TMEM117: variants seen among roughly 807,000 people sequenced by gnomAD.
TMEM117 encodes the protein transmembrane protein 117.
Under a neutral mutation model 52.4 loss-of-function variants are expected in TMEM117, and 27 were observed. That is an observed-to-expected ratio of 0.51 (90% CI 0.38 to 0.71). TMEM117 has a LOEUF of 0.71. TMEM117 is among the 30% of genes least tolerant of loss of function. The probability of loss-of-function intolerance (pLI) is 0.00; values close to 1 mark genes in which losing one functional copy is unlikely to be tolerated. For synonymous variants in TMEM117, 215 were observed against 206.3 expected, an observed-to-expected ratio of 1.04 and a Z score of -0.36; for missense variants, 556 against 630.5, an observed-to-expected ratio of 0.88 and a Z score of 1.26.
intron 7 of TMEM117, among the ~76,000 whole-genome samples, chr12:44,385,997 A>G (rs1025362808): frequency 1.3e-5 from 2 of 152,160 alleles, no homozygotes; most frequent in South Asian, 2.1e-4. Context: ...AAAATTTTCC[A>G]AACTATTTTC....
At chr12:43,985,412 AAC>A (rs1466323804) in intron 3 of TMEM117, among the ~76,000 whole-genome samples, 2 of 152,218 alleles carry the variant, frequency 1.3e-5, no homozygotes, top group East Asian at 3.8e-4. Context: ...ATTCCAAAGA[AAC>A]ACTGAAAAAC....
chr12:43,866,320 G>A (rs1225486089), intron 2 of TMEM117, among the ~76,000 whole-genome samples: 1 of 151,188 alleles, frequency 6.6e-6, no homozygotes. Context: ...ACAAAATGAA[G>A]GTAAAATAAA....
intron 5 of TMEM117, among the ~76,000 whole-genome samples, chr12:44,211,641 T>G (rs1167927678): frequency 6.6e-6 from 1 of 152,204 alleles, no homozygotes; most frequent in Non-Finnish European, 1.5e-5. Flanking sequence ...AGGTAAGTTC[T>G]TGACTCAGCA....
At chr12:43,936,841 C>T (rs557552242) in intron 2 of TMEM117, among the ~76,000 whole-genome samples, 18 of 152,014 alleles carry the variant, frequency 1.2e-4, no homozygotes, top group African/African-American at 3.6e-4. Flanking sequence ...AGTAAGATCT[C>T]GGTAAGTGGG....
chr12:44,270,382 A>T (rs1412011863), intron 5 of TMEM117, among the ~76,000 whole-genome samples: 1 of 152,058 alleles, frequency 6.6e-6, no homozygotes, highest in African/African-American at 2.4e-5. Context: ...AGCTATTGTA[A>T]AAAGGGGTTG....
intron 5 of TMEM117, among the ~76,000 whole-genome samples, chr12:44,237,218 G>C (rs193030077): frequency 2.0e-5 from 3 of 152,086 alleles, no homozygotes; most frequent in African/African-American, 7.2e-5. Flanking sequence ...GATTAAAACA[G>C]TCACGTTTCA....
At chr12:43,937,717 T>G (rs1289343272) in intron 2 of TMEM117, among the ~76,000 whole-genome samples, 1 of 152,180 alleles carries the variant, frequency 6.6e-6, no homozygotes, top group Non-Finnish European at 1.5e-5. Flanking sequence ...ATATTATTTG[T>G]TCATTTATTT....
At chr12:44,195,082 G>A (rs1391050790) in intron 4 of TMEM117, among the ~76,000 whole-genome samples, 1 of 152,160 alleles carries the variant, frequency 6.6e-6, no homozygotes, top group Non-Finnish European at 1.5e-5. Context: ...TCACTCTTCT[G>A]TAGGTCAAGT....
At chr12:44,206,125 T>A (rs1051631873) in intron 4 of TMEM117, among the ~76,000 whole-genome samples, 10 of 152,202 alleles carry the variant, frequency 6.6e-5, no homozygotes, top group Non-Finnish European at 1.2e-4. Flanking sequence ...ATTATTTTTT[T>A]ATTATACTTT....
intron 3 of TMEM117, among the ~76,000 whole-genome samples, chr12:44,033,614 G>A (rs1946667040): frequency 6.6e-6 from 1 of 152,186 alleles, no homozygotes; most frequent in East Asian, 1.9e-4. Flanking sequence ...ATTTGCCAAA[G>A]GTCACACACA....
chr12:43,841,865 T>A (rs1943121101), intron 1 of TMEM117, among the ~76,000 whole-genome samples: 1 of 152,144 alleles, frequency 6.6e-6, no homozygotes. Flanking sequence ...TCAGTAGTAT[T>A]TCTAAATCCT....
chr12:44,081,487 CTG>C (rs1297465523), intron 3 of TMEM117, among the ~76,000 whole-genome samples: 2 of 152,096 alleles, frequency 1.3e-5, no homozygotes, highest in East Asian at 1.9e-4. Flanking sequence ...ATTATTCACA[CTG>C]AGAGACAGAA....
rs549883494 is a variant in TMEM117, at chr12:43,939,790, T to C, written c.278-4420T>C. Among the ~76,000 whole-genome samples, 14 of 152,324 alleles carry C rather than the reference T, an allele frequency of 9.2e-5. 1 individual carries two copies. The East Asian group carries it at 2.7e-3, about 29-fold the overall frequency. On this transcript the variant is annotated intron_variant, in intron 2 of 7. Coordinates refer to ENST00000266534, the MANE Select transcript of TMEM117 (RefSeq NM_032256.3). ...TCTGTTCTCATTCTGCTAATAAAGA[T>C]ATACCTAAGACTGGGTAATTTATAA...
At chr12:44,067,041 A>G (rs1484067459) in intron 3 of TMEM117, among the ~76,000 whole-genome samples, 2 of 152,222 alleles carry the variant, frequency 1.3e-5, no homozygotes, top group South Asian at 4.1e-4. Flanking sequence ...CACCAGGAGT[A>G]GGTTCCATCT....
At chr12:44,206,644 G>A (rs995119932) in intron 4 of TMEM117, among the ~76,000 whole-genome samples, 4 of 152,130 alleles carry the variant, frequency 2.6e-5, no homozygotes, top group Non-Finnish European at 5.9e-5. Flanking sequence ...AAAAAATAAT[G>A]AAATCATGTC....
At chr12:44,032,140 T>G (rs1946642680) in intron 3 of TMEM117, among the ~76,000 whole-genome samples, 1 of 152,208 alleles carries the variant, frequency 6.6e-6, no homozygotes, top group South Asian at 2.1e-4. Flanking sequence ...TTAATTGAGA[T>G]TGCTTCTATG....
chr12:43,864,126 C>T (rs918246482), intron 2 of TMEM117, among the ~76,000 whole-genome samples: 11 of 152,158 alleles, frequency 7.2e-5, no homozygotes, highest in Non-Finnish European at 1.3e-4. Context: ...TAGCTGCCTC[C>T]CTGGGGGGCA....
Position 44,154,061 on chromosome 12 carries a change from T to C in TMEM117, c.510+10437T>C, listed in dbSNP as rs535800758. ...CTTTTTTTCCTTGGCTGACAAAATA[T>C]GTTAAGCTTTATCTCAGACCTGGAC... On this transcript the variant is annotated intron_variant, in intron 4 of 7. Transcript: ENST00000266534. 1.6e-3 allele frequency among the ~76,000 whole-genome samples: 237 copies of C among 152,176 alleles called. 1 individual carries two copies. Among genetic ancestry groups the C allele is most frequent in the Non-Finnish European group, 1.9e-3 (131 of 67,962 alleles).
At chr12:44,246,640 A>T (rs1950133734) in intron 5 of TMEM117, among the ~76,000 whole-genome samples, 1 of 152,158 alleles carries the variant, frequency 6.6e-6, no homozygotes, top group South Asian at 2.1e-4. Flanking sequence ...ACACAAACTC[A>T]ATTAGCGTCC....
Sources: gnomAD v4.1 joint callset for allele counts (sites outside exome capture counted in the v4.1 genomes callset) on GRCh38, gnomAD v4.1.1 for gene constraint, MANE v1.5 for transcripts, NCBI Gene and HGNC (gene_info 2026-07-23, HGNC 2026-07-21) for gene names.